Variants in OTUD7A observed in about 807,000 individuals in gnomAD.
OTUD7A encodes the protein OTU deubiquitinase 7A.
Under a neutral mutation model 65.7 loss-of-function variants are expected in OTUD7A, and 12 were observed. The ratio of observed to expected loss-of-function variants is 0.18; its 90% CI spans 0.12 to 0.30. The LOEUF is 0.30. Ranked by LOEUF, OTUD7A falls within the 10% of genes least tolerant of loss-of-function variation. OTUD7A has a pLI of 1.00. For synonymous variants in OTUD7A, 641 were observed against 586.3 expected (o/e 1.09, Z -1.35); for missense variants, 1,148 against 1,304.8 (o/e 0.88, Z 1.85).
In OTUD7A at chr15:31,487,076, C is replaced by T. The variant is rs547163308; in HGVS notation, c.1371+118G>A. On this transcript the variant is annotated intron_variant, in intron 12 of 12. Transcript: ENST00000307050. The surrounding 1 kb of genome is among the most constrained non-coding windows in gnomAD (Gnocchi z 6.0). ...GGGCTGTGGGTATGGCTGGGGTGGG[C>T]GGCCGGGCAGGGGCAGGCAAGAGTG... The T allele has an allele frequency of 1.2e-3, 1,163 of 981,486 alleles. 4 individuals carry two copies. The Middle Eastern group carries it at 0.012, about 10-fold the overall frequency. The allele number at this position is 981,486 out of a possible 1,614,324, so 60.8% of individuals were successfully genotyped here. A position where few individuals can be genotyped will look rare whatever the true frequency, so the allele number is the denominator to read the frequency against.
intron 3 of OTUD7A, among the ~76,000 whole-genome samples, chr15:31,576,562 T>G (rs1889209438): frequency 1.3e-5 from 2 of 152,158 alleles, no homozygotes; most frequent in Non-Finnish European, 2.9e-5. Context: ...TTACACATAT[T>G]GATTGATGTC....
chr15:31,729,057 ATTT>A (rs773257444), intron 1 of OTUD7A, among the ~76,000 whole-genome samples: 3 of 152,328 alleles, frequency 2.0e-5, no homozygotes, highest in Admixed American at 6.5e-5. Context: ...ATTCACATAA[ATTT>A]TATTATAGTA....
intron 3 of OTUD7A, among the ~76,000 whole-genome samples, chr15:31,613,861 T>C (rs944504777): frequency 6.6e-6 from 1 of 152,128 alleles, no homozygotes; most frequent in South Asian, 2.1e-4. Context: ...GGCTGCACAA[T>C]TCACAACTGC....
chr15:31,639,447 T>C (rs1021364690), intron 3 of OTUD7A, among the ~76,000 whole-genome samples: 1 of 147,892 alleles, frequency 6.8e-6, no homozygotes, highest in East Asian at 2.0e-4. Context: ...TCCAGTTTTT[T>C]AGCCCTCACT....
intron 1 of OTUD7A, among the ~76,000 whole-genome samples, chr15:31,771,882 C>T (rs147015995): frequency 2.0e-5 from 3 of 152,264 alleles, no homozygotes; most frequent in African/African-American, 7.2e-5. Context: ...TGTCTTGATG[C>T]CTGGACCTAT....
At chr15:31,678,801 G>A (rs1280251128) in intron 1 of OTUD7A, among the ~76,000 whole-genome samples, 1 of 152,232 alleles carries the variant, frequency 6.6e-6, no homozygotes, top group Non-Finnish European at 1.5e-5. Flanking sequence ...TGGGGTCACA[G>A]CCCCCACACA....
chr15:31,820,987 C>T (rs1053890705), intron 1 of OTUD7A, among the ~76,000 whole-genome samples: 8 of 151,658 alleles, frequency 5.3e-5, no homozygotes, highest in Admixed American at 1.3e-4. Flanking sequence ...TAGGCAACCA[C>T]GAGACTACTT....
chr15:31,779,739 C>T (rs1026592319), intron 1 of OTUD7A, among the ~76,000 whole-genome samples: 7 of 151,998 alleles, frequency 4.6e-5, no homozygotes, highest in African/African-American at 1.2e-4. Context: ...GTCTTCTTTC[C>T]GGGCCACTTT....
intron 1 of OTUD7A, among the ~76,000 whole-genome samples, chr15:31,851,758 T>C (rs1294501421): frequency 2.6e-5 from 4 of 152,210 alleles, no homozygotes; most frequent in East Asian, 1.9e-4. Context: ...ATCCCCATGA[T>C]TGACAATCCC....
intron 3 of OTUD7A, among the ~76,000 whole-genome samples, chr15:31,645,230 T>C (rs1432260304): frequency 6.6e-6 from 1 of 152,220 alleles, no homozygotes; most frequent in African/African-American, 2.4e-5. Context: ...CTTGTTTGTT[T>C]CCAATCTCTT....
chr15:31,699,128 G>A (rs1203449399), intron 1 of OTUD7A, among the ~76,000 whole-genome samples: 1 of 148,070 alleles, frequency 6.8e-6, no homozygotes, highest in Non-Finnish European at 1.5e-5. Flanking sequence ...CACCCAGGCT[G>A]GAGTGCAGTG....
At position 31,479,842 on chromosome 15, in the gene OTUD7A, C is replaced by T. The variant is rs1308603930; in HGVS notation, c.*3452G>A. ...AAATTAAATCATTTGGGAAAACATT[C>T]GATTTGTAAATAGATTCAAATGCCA... On this transcript the variant is annotated 3_prime_UTR_variant, in exon 13 of 13. Transcript: ENST00000307050. The T allele has an allele frequency of 6.6e-6, 1 of 152,038 alleles. No homozygotes were observed. The highest frequency in any genetic ancestry group is 2.4e-5 in the African/African-American group (1 of 41,400). The allele number at this position is 152,038 out of a possible 1,614,324, so 9.4% of individuals were successfully genotyped here.
At chr15:31,610,617 A>ATATATATATATATATATTTTTTTTT in intron 3 of OTUD7A, among the ~76,000 whole-genome samples, 1 of 30,562 alleles carries the variant, frequency 3.3e-5, no homozygotes, top group African/African-American at 1.7e-4. Flanking sequence ...ATATATATAT[A>ATATATATATATATATATTTTTTTTT]TTTTTTTTTT....
At chr15:31,573,564 T>G (rs771330378) in intron 3 of OTUD7A, among the ~76,000 whole-genome samples, 2 of 152,234 alleles carry the variant, frequency 1.3e-5, no homozygotes, top group Non-Finnish European at 2.9e-5. Context: ...AAATTTGCAA[T>G]GCCTCAGCTG....
Position 31,562,001 on chromosome 15 carries a change from C to CT in OTUD7A, c.332-2815dup, listed in dbSNP as rs1888707915. 3.3e-5 allele frequency among the ~76,000 whole-genome samples: 5 copies of CT among 152,270 alleles called. 1 individual carries two copies. In the South Asian group the frequency reaches 1.0e-3, roughly 32 times the overall value. On this transcript the variant is annotated intron_variant, in intron 4 of 12. Coordinates refer to ENST00000307050, the MANE Select transcript of OTUD7A (RefSeq NM_001382637.1). ...AGGGGAGATGTATTAACTATATATT[C>CT]TTTTTTCATTTATTTTCCTTTTATT...
At chr15:31,806,930 T>A (rs1039843354) in intron 1 of OTUD7A, among the ~76,000 whole-genome samples, 9 of 152,290 alleles carry the variant, frequency 5.9e-5, no homozygotes, top group South Asian at 2.1e-4. Flanking sequence ...ACTGTCCCCA[T>A]CCTAAGCCAT....
intron 1 of OTUD7A, among the ~76,000 whole-genome samples, chr15:31,814,327 C>T (rs960336062): frequency 6.6e-6 from 1 of 152,176 alleles, no homozygotes; most frequent in African/African-American, 2.4e-5. Flanking sequence ...CTAGGCCTGC[C>T]CTGCCGCAAG....
rs1348986841 is a variant in OTUD7A at position 31,487,570 on chromosome 15, G to C, written c.1172-4C>G. The stretch of plus-strand genomic sequence containing the variant: ...GAATCCGTCAGGGGGATCACGGCTG[G>C]AACAGAAGAGACAGAGCCGTGCTTG... On this transcript the variant is annotated splice_polypyrimidine_tract_variant and splice_region_variant and intron_variant, in intron 10 of 12. Coordinates refer to ENST00000307050, the MANE Select transcript of OTUD7A (RefSeq NM_001382637.1). The surrounding 1 kb of genome is among the most constrained non-coding windows in gnomAD (Gnocchi z 6.0). 3 of 1,611,564 alleles carry C rather than the reference G, an allele frequency of 1.9e-6. No homozygotes were observed. The South Asian group carries it at 3.3e-5, about 18-fold the overall frequency.
At chr15:31,731,802 G>A (rs1186923736) in intron 1 of OTUD7A, among the ~76,000 whole-genome samples, 1 of 152,124 alleles carries the variant, frequency 6.6e-6, no homozygotes, top group Non-Finnish European at 1.5e-5. Context: ...CATGTGTGGG[G>A]TTGGGGGTGA....
Sources: allele counts gnomAD v4.1 joint callset (sites outside exome capture counted in the v4.1 genomes callset), GRCh38; gene constraint gnomAD v4.1.1; non-coding constraint Gnocchi (gnomAD v3.1); transcripts MANE v1.5; gene names NCBI Gene and HGNC (gene_info 2026-07-23, HGNC 2026-07-21).